Variants in BANK1 observed in about 807,000 individuals in gnomAD.
BANK1 encodes B cell scaffold protein with ankyrin repeats 1, also known as B-cell scaffold protein with ankyrin repeats.
In BANK1, 95 loss-of-function variants were observed where a neutral mutation model predicts 94.5. That is an observed-to-expected ratio of 1.00 (90% CI 0.85 to 1.19). The LOEUF is 1.19. Among genes scored for constraint, BANK1 ranks in the 50% most tolerant of loss-of-function variants. BANK1 has a pLI of 0.00. For missense variants in BANK1, 987 were observed against 932.2 expected, an observed-to-expected ratio of 1.06 and a Z score of -0.77; for synonymous variants, 334 against 308.4, an observed-to-expected ratio of 1.08 and a Z score of -0.87.
intron 7 of BANK1, among the ~76,000 whole-genome samples, chr4:101,987,200 A>G (rs1395664054): frequency 6.6e-6 from 1 of 151,806 alleles, no homozygotes; most frequent in Non-Finnish European, 1.5e-5. Context: ...CCATGTAAGG[A>G]ATTAGCCAAA....
chr4:101,911,839 A>G (rs1722674304), intron 6 of BANK1, among the ~76,000 whole-genome samples: 1 of 152,194 alleles, frequency 6.6e-6, no homozygotes, highest in Non-Finnish European at 1.5e-5. Flanking sequence ...GTGCTCAAGT[A>G]CCAAGGCACA....
intron 7 of BANK1, among the ~76,000 whole-genome samples, chr4:101,976,017 G>A (rs950969940): frequency 6.6e-6 from 1 of 152,084 alleles, no homozygotes; most frequent in Admixed American, 6.6e-5. Flanking sequence ...CAAACCAGGG[G>A]AAGAAGCTGA....
chr4:101,833,630 G>A (rs1726712645), intron 2 of BANK1, among the ~76,000 whole-genome samples: 1 of 152,096 alleles, frequency 6.6e-6, no homozygotes, highest in African/African-American at 2.4e-5. Flanking sequence ...TCTTCAAAGT[G>A]TCTTTTCTCT....
intron 6 of BANK1, among the ~76,000 whole-genome samples, chr4:101,909,026 A>G (rs1278292973): frequency 6.6e-6 from 1 of 152,210 alleles, no homozygotes; most frequent in East Asian, 1.9e-4. Context: ...AGAACTAGAA[A>G]TACTATTTGA....
chr4:102,044,230 G>A (rs34448604), intron 11 of BANK1, among the ~76,000 whole-genome samples: 83,632 of 151,416 alleles, frequency 0.55, 23,383 homozygotes, highest in East Asian at 0.63. Flanking sequence ...CCCTTCCTGT[G>A]TCCATGTGAT....
At chr4:101,800,406 T>G (rs2148850062) in intron 1 of BANK1, among the ~76,000 whole-genome samples, 1 of 152,300 alleles carries the variant, frequency 6.6e-6, no homozygotes, top group South Asian at 2.1e-4. Flanking sequence ...TTTTTTGTTT[T>G]TTTGGTATTG....
intron 5 of BANK1, among the ~76,000 whole-genome samples, chr4:101,889,232 T>A (rs1381849470): frequency 6.6e-6 from 1 of 152,194 alleles, no homozygotes; most frequent in Non-Finnish European, 1.5e-5. Flanking sequence ...ATTCTTTTGA[T>A]GTCTGCAGGG....
intron 7 of BANK1, among the ~76,000 whole-genome samples, chr4:102,020,495 C>T (rs1726859872): frequency 6.6e-6 from 1 of 151,894 alleles, no homozygotes; most frequent in African/African-American, 2.4e-5. Context: ...AAATTAGGGA[C>T]TGTTTTGCTT....
chr4:101,808,900 G>T (rs1320441348), intron 1 of BANK1, among the ~76,000 whole-genome samples: 2 of 152,188 alleles, frequency 1.3e-5, no homozygotes, highest in Non-Finnish European at 2.9e-5. Context: ...CTGGTAGTGG[G>T]AATGTAAACT....
intron 6 of BANK1, among the ~76,000 whole-genome samples, chr4:101,907,695 A>C (rs1722501876): frequency 6.6e-6 from 1 of 152,266 alleles, no homozygotes; most frequent in Non-Finnish European, 1.5e-5. Context: ...CTGATAAGCA[A>C]CTTCAGCAAA....
At chr4:101,934,879 G>A (rs770212474) in intron 7 of BANK1, among the ~76,000 whole-genome samples, 8 of 151,426 alleles carry the variant, frequency 5.3e-5, no homozygotes, top group African/African-American at 9.7e-5. Flanking sequence ...TTTATGAGCC[G>A]TGTTTACCTG....
intron 1 of BANK1, among the ~76,000 whole-genome samples, chr4:101,817,886 A>G (rs1725979580): frequency 6.6e-6 from 1 of 151,040 alleles, no homozygotes. Context: ...TGTATTTTAT[A>G]TGTGGCCCGA....
rs58524239 is a variant in BANK1, at chr4:101,957,167, AC to A, written c.1206+38980del. ...CGCAAGAAATGCCTTTGCTGATCTA[AC>A]CTGTCTAAGCTATATCTCTGCATTT... On this transcript the variant is annotated intron_variant, in intron 7 of 16. Transcript: ENST00000322953. Among the ~76,000 whole-genome samples the A allele has an allele frequency of 5.6e-3, 847 of 152,286 alleles. 15 individuals are homozygous for A. The East Asian group carries it at 0.057, about 10-fold the overall frequency.
chr4:102,074,809 T>G lies in BANK1; in HGVS notation c.*810T>G, dbSNP rs1167621833. On this transcript the variant is annotated 3_prime_UTR_variant, in exon 17 of 17. Coordinates refer to ENST00000322953, the MANE Select transcript of BANK1 (RefSeq NM_017935.5). The stretch of plus-strand genomic sequence containing the variant: ...TTGCTTCTCGGCCTTTTGGCTAAGA[T>G]CAAGTGGAGTATTGGCCAATAAATT... The G allele has an allele frequency of 6.6e-6, 1 of 152,046 alleles. No individual in the cohort carries two copies. The highest frequency in any genetic ancestry group is 1.5e-5 in the Non-Finnish European group (1 of 67,914). The allele number at this position is 152,046 out of a possible 1,614,324, so 9.4% of individuals were successfully genotyped here. A position where few individuals can be genotyped will look rare whatever the true frequency, so the allele number is the denominator to read the frequency against.
intron 13 of BANK1, among the ~76,000 whole-genome samples, chr4:102,063,727 C>G (rs1728498874): frequency 6.7e-6 from 1 of 149,384 alleles, no homozygotes; most frequent in Non-Finnish European, 1.5e-5. Context: ...GATGCTGAGG[C>G]AGGAGAACCC....
chr4:102,064,997 TGA>T (rs763158995), intron 13 of BANK1, among the ~76,000 whole-genome samples: 5 of 152,284 alleles, frequency 3.3e-5, no homozygotes, highest in East Asian at 3.9e-4. Context: ...AGTCTGTGGC[TGA>T]GAGATGAGCT....
chr4:101,953,100 C>T (rs961499936), intron 7 of BANK1, among the ~76,000 whole-genome samples: 2 of 152,102 alleles, frequency 1.3e-5, no homozygotes, highest in Non-Finnish European at 2.9e-5. Flanking sequence ...TTAATTCTTA[C>T]ACCAAGGCTG....
intron 7 of BANK1, among the ~76,000 whole-genome samples, chr4:101,973,744 T>C (rs1725032272): frequency 6.6e-6 from 1 of 152,090 alleles, no homozygotes; most frequent in Non-Finnish European, 1.5e-5. Context: ...TTATGAAATG[T>C]TGAGTTTTAT....
intron 6 of BANK1, among the ~76,000 whole-genome samples, chr4:101,912,040 A>AACAC (rs913262901): frequency 6.8e-4 from 104 of 152,040 alleles, no homozygotes; most frequent in African/African-American, 2.2e-3. Context: ...CTCAATTAGA[A>AACAC]ACACACACAC....
Sources: gnomAD v4.1 joint callset for allele counts (sites outside exome capture counted in the v4.1 genomes callset) on GRCh38, gnomAD v4.1.1 for gene constraint, MANE v1.5 for transcripts, NCBI Gene and HGNC (gene_info 2026-07-23, HGNC 2026-07-21) for gene names.